The following PTPRO variants were observed in gnomAD, a reference collection of about 807,000 sequenced individuals.
PTPRO encodes receptor-type tyrosine-protein phosphatase O.
In PTPRO, 62 loss-of-function variants were observed where a neutral mutation model predicts 145.2. The observed-to-expected ratio is 0.43, with a 90% confidence interval of 0.35 to 0.53. The LOEUF (loss-of-function observed/expected upper bound fraction) is 0.53. Ranked by LOEUF, PTPRO falls within the 20% of genes least tolerant of loss-of-function variation. PTPRO has a pLI of 0.01. For synonymous variants in PTPRO, 565 were observed against 514.7 expected (o/e 1.10, Z -1.32); for missense variants, 1,345 against 1,482.7 (o/e 0.91, Z 1.53).
At chr12:15,497,487 A>G (rs1942131634) in intron 3 of PTPRO, 84 bp downstream of exon 3, 2 of 1,404,782 alleles carry the variant, frequency 1.4e-6, no homozygotes, top group Non-Finnish European at 2.0e-6. Flanking sequence ...TCTTACTGCA[A>G]AGAGGTTTTA....
At chr12:15,419,659 T>TC (rs1940079704) in intron 1 of PTPRO, among the ~76,000 whole-genome samples, 1 of 151,352 alleles carries the variant, frequency 6.6e-6, no homozygotes, top group African/African-American at 2.5e-5. Context: ...TTGATGCCCT[T>TC]CGAGAGCATA....
chr12:15,473,383 C>T (rs972237809), intron 1 of PTPRO, among the ~76,000 whole-genome samples: 3 of 152,188 alleles, frequency 2.0e-5, no homozygotes, highest in African/African-American at 7.2e-5. Flanking sequence ...ATGGATAGCT[C>T]TCCAGGGCCC....
intron 5 of PTPRO, 105 bp from the exon 6 acceptor site, chr12:15,503,803 G>A: frequency 1.2e-6 from 1 of 832,488 alleles, no homozygotes; most frequent in Admixed American, 2.7e-5. Flanking sequence ...ACAAAAGGAG[G>A]GAACATTTAA....
intron 1 of PTPRO, among the ~76,000 whole-genome samples, chr12:15,366,196 C>G (rs1300267274): frequency 6.6e-6 from 1 of 152,114 alleles, no homozygotes; most frequent in African/African-American, 2.4e-5. Flanking sequence ...CATATGGTAT[C>G]CCTGAAGATA....
chr12:15,567,695 C>T (rs1200848725), intron 18 of PTPRO, among the ~76,000 whole-genome samples: 1 of 152,162 alleles, frequency 6.6e-6, no homozygotes, highest in African/African-American at 2.4e-5. Context: ...TAAGGGGGTT[C>T]ATTCCAGGAG....
intron 19 of PTPRO, among the ~76,000 whole-genome samples, chr12:15,570,596 T>C (rs1458508357): frequency 1.3e-5 from 2 of 152,146 alleles, no homozygotes; most frequent in South Asian, 2.1e-4. Context: ...TCCAGGTGCA[T>C]AGGATATTAT....
In PTPRO at chr12:15,568,464, A is replaced by AAAAC. The variant is rs1305515197; in HGVS notation, c.2748-952_2748-951insAACA. On this transcript the variant is annotated intron_variant, in intron 18 of 26. Coordinates refer to ENST00000281171, the MANE Select transcript of PTPRO (RefSeq NM_030667.3). ...CAAAACAAAACAAAACAAAACAAAA[A>AAAAC]AGACCACAGTTAGATGATATAAGCT... Among the ~76,000 whole-genome samples, 4 of 133,174 alleles carry AAAAC rather than the reference A, an allele frequency of 3.0e-5. No individual in the cohort carries two copies. The East Asian group carries it at 6.5e-4, about 22-fold the overall frequency. The allele number at this position is 133,174 out of a possible 152,430, so 87.4% of individuals were successfully genotyped here. A position where few individuals can be genotyped will look rare whatever the true frequency, so the allele number is the denominator to read the frequency against.
chr12:15,344,309 T>C, intron 1 of PTPRO, among the ~76,000 whole-genome samples: 1 of 152,250 alleles, frequency 6.6e-6, no homozygotes. Context: ...ATTTTTTAAG[T>C]GTGAAATGTC....
chr12:15,519,575 CAA>C (rs1942671218), intron 9 of PTPRO, among the ~76,000 whole-genome samples: 1 of 152,180 alleles, frequency 6.6e-6, no homozygotes, highest in Admixed American at 6.5e-5. Context: ...GGGAGGAACA[CAA>C]AGAGATTTCC....
intron 1 of PTPRO, among the ~76,000 whole-genome samples, chr12:15,464,469 C>T (rs1033964055): frequency 5.3e-5 from 8 of 151,888 alleles, no homozygotes; most frequent in African/African-American, 1.7e-4. Flanking sequence ...ATTCTCCTGC[C>T]TCAGCCTCCT....
At chr12:15,453,534 A>C (rs1231815667) in intron 1 of PTPRO, among the ~76,000 whole-genome samples, 1 of 152,130 alleles carries the variant, frequency 6.6e-6, no homozygotes, top group Non-Finnish European at 1.5e-5. Context: ...GAACAAATAC[A>C]CTTTTCTATA....
At chr12:15,364,457 T>C (rs1938299975) in intron 1 of PTPRO, among the ~76,000 whole-genome samples, 1 of 152,216 alleles carries the variant, frequency 6.6e-6, no homozygotes, top group Non-Finnish European at 1.5e-5. Flanking sequence ...TCCTAAATGC[T>C]GTAATCCAAA....
chr12:15,508,775 AG>A lies in PTPRO; in HGVS notation c.1464+9del. ...AAGCAGTACTGCACTCAGGTAAAGG[AG>A]AGGAAATGAGAATGGGCTCGCCGGT... On this transcript the variant is annotated intron_variant, in intron 7 of 26. Coordinates refer to ENST00000281171, the MANE Select transcript of PTPRO (RefSeq NM_030667.3). The A allele has an allele frequency of 6.2e-7, 1 of 1,613,620 alleles. No individual in the cohort carries two copies. Among genetic ancestry groups the A allele is most frequent in the Non-Finnish European group, 8.5e-7 (1 of 1,179,734 alleles).
At chr12:15,554,802 G>T (rs919458906) in intron 15 of PTPRO, among the ~76,000 whole-genome samples, 8 of 152,258 alleles carry the variant, frequency 5.3e-5, no homozygotes, top group African/African-American at 1.9e-4. Context: ...AATACTTTGT[G>T]TCCTTCAATC....
intron 1 of PTPRO, among the ~76,000 whole-genome samples, chr12:15,367,734 A>G (rs1938405379): frequency 6.6e-6 from 1 of 152,182 alleles, no homozygotes; most frequent in Non-Finnish European, 1.5e-5. Context: ...GATCAGGTCA[A>G]AAAGTGTGAA....
At chr12:15,516,704 C>A (rs1942606359) in intron 8 of PTPRO, 59 bp from the exon 9 acceptor site, 2 of 1,450,726 alleles carry the variant, frequency 1.4e-6, no homozygotes, top group Admixed American at 3.3e-5. Flanking sequence ...AGTTTGAGGC[C>A]ATTGCTAAGA....
intron 10 of PTPRO, among the ~76,000 whole-genome samples, chr12:15,521,355 T>C (rs1189832878): frequency 6.6e-6 from 1 of 152,222 alleles, no homozygotes; most frequent in Non-Finnish European, 1.5e-5. Flanking sequence ...ATAGTAATAT[T>C]AGAGCAGAAA....
chr12:15,378,577 C>T (rs1938759537), intron 1 of PTPRO, among the ~76,000 whole-genome samples: 1 of 151,930 alleles, frequency 6.6e-6, no homozygotes, highest in Non-Finnish European at 1.5e-5. Flanking sequence ...TAAAAATTTC[C>T]AGGCCCAATG....
chr12:15,405,617 T>G (rs1392285429), intron 1 of PTPRO, among the ~76,000 whole-genome samples: 1 of 152,324 alleles, frequency 6.6e-6, no homozygotes, highest in South Asian at 2.1e-4. Flanking sequence ...ACAATATTAC[T>G]CTTTGCACAA....
Sources: gnomAD v4.1 joint callset for allele counts (sites outside exome capture counted in the v4.1 genomes callset) on GRCh38, gnomAD v4.1.1 for gene constraint, MANE v1.5 for transcripts, NCBI Gene and HGNC (gene_info 2026-07-23, HGNC 2026-07-21) for gene names.